KLF15: variants seen among roughly 807,000 people sequenced by gnomAD.
KLF15 encodes the protein KLF transcription factor 15, also known as Krueppel-like factor 15.
KLF15 carries 4 observed loss-of-function variants against 24.6 expected under a neutral mutation model. The ratio of observed to expected loss-of-function variants is 0.16; its 90% confidence interval spans 0.08 to 0.37. The LOEUF is 0.37. KLF15 is among the 10% of genes least tolerant of loss of function. KLF15 has a pLI of 1.00. For missense variants in KLF15, 496 were observed against 560.6 expected, an observed-to-expected ratio of 0.88 and a Z score of 1.16; for synonymous variants, 246 against 236.3, an observed-to-expected ratio of 1.04 and a Z score of -0.37.
At chr3:126,332,120 G>A in the KLF15 span, among the ~76,000 whole-genome samples, 2 of 152,216 alleles carry the variant, frequency 1.3e-5, no homozygotes, top group Non-Finnish European at 2.9e-5. Context: ...TGGGGGCAGG[G>A]CACAGACAAA....
the KLF15 span, among the ~76,000 whole-genome samples, chr3:126,296,571 G>C: frequency 6.6e-6 from 1 of 152,232 alleles, no homozygotes; most frequent in Non-Finnish European, 1.5e-5. Flanking sequence ...GTCTTTTCAA[G>C]AGAGGCCTGC....
At chr3:126,339,592 A>G (rs4679234), downstream of KLF15, among the ~76,000 whole-genome samples, 3,600 of 151,482 alleles carry the variant, frequency 0.024, 62 homozygotes, top group Admixed American at 0.054. Flanking sequence ...CATGGCCCCC[A>G]CTCTCAGCCC....
the KLF15 span, among the ~76,000 whole-genome samples, chr3:126,311,827 T>C: frequency 3.9e-5 from 6 of 152,030 alleles, no homozygotes; most frequent in Non-Finnish European, 5.9e-5. Flanking sequence ...AGATCGGGAG[T>C]GGGCCAGGAA....
the KLF15 span, among the ~76,000 whole-genome samples, chr3:126,334,953 T>C: frequency 1.8e-5 from 2 of 110,384 alleles, no homozygotes; most frequent in Non-Finnish European, 1.8e-5. Context: ...CCAAAAAGAG[T>C]CCAGGACCAG....
At chr3:126,326,607 A>C in the KLF15 span, among the ~76,000 whole-genome samples, 1 of 152,252 alleles carries the variant, frequency 6.6e-6, no homozygotes, top group South Asian at 2.1e-4. Context: ...GTTGGAGTGC[A>C]GAAAGACAGA....
chr3:126,317,877 T>C, the KLF15 span, among the ~76,000 whole-genome samples: 2 of 152,172 alleles, frequency 1.3e-5, no homozygotes, highest in Admixed American at 1.3e-4. Flanking sequence ...TCGGTCGGAT[T>C]CTTCTGAGGA....
At chr3:126,300,772 G>C in the KLF15 span, among the ~76,000 whole-genome samples, 1 of 152,234 alleles carries the variant, frequency 6.6e-6, no homozygotes, top group African/African-American at 2.4e-5. Flanking sequence ...AGGATCAATA[G>C]ATGGATTAGT....
At chr3:126,339,621 C>G (rs748533019), downstream of KLF15, among the ~76,000 whole-genome samples, 1 of 152,200 alleles carries the variant, frequency 6.6e-6, no homozygotes, top group Non-Finnish European at 1.5e-5. Context: ...GGGTTCAGAT[C>G]GCCTCCTCAT....
chr3:126,344,328 G>T lies in KLF15; in HGVS notation c.1083-433C>A, dbSNP rs188567517. Among the ~76,000 whole-genome samples the T allele has an allele frequency of 8.6e-4, 131 of 152,036 alleles. 1 individual carries two copies. The East Asian group carries it at 0.018, about 21-fold the overall frequency. On this transcript the variant is annotated intron_variant, in intron 2 of 2. Coordinates refer to ENST00000296233, the MANE Select transcript of KLF15 (RefSeq NM_014079.4). ...GGCTACTTCAGCTTCCCAAAGTGCT[G>T]GGATTAAAGGCGTGAGCCACTGTGC...
intron 2 of KLF15, among the ~76,000 whole-genome samples, chr3:126,350,457 T>A (rs1377138551): frequency 6.6e-6 from 1 of 152,150 alleles, no homozygotes; most frequent in African/African-American, 2.4e-5. Context: ...TCAGGAAAAT[T>A]CCCTTCTCTG....
chr3:126,303,682 A>T, the KLF15 span, among the ~76,000 whole-genome samples: 1 of 150,394 alleles, frequency 6.6e-6, no homozygotes, highest in Non-Finnish European at 1.5e-5. Context: ...TGTTTATATC[A>T]TAGTTTGTCA....
At chr3:126,301,703 C>T in the KLF15 span, among the ~76,000 whole-genome samples, 2 of 151,234 alleles carry the variant, frequency 1.3e-5, no homozygotes, top group Admixed American at 6.6e-5. Context: ...CAACCTCTGC[C>T]CCCGGGGTTC....
At chr3:126,309,522 G>A in the KLF15 span, among the ~76,000 whole-genome samples, 1 of 152,236 alleles carries the variant, frequency 6.6e-6, no homozygotes, top group Non-Finnish European at 1.5e-5. Context: ...AGGTGCAGAT[G>A]GTTACATGCA....
chr3:126,328,083 C>T, the KLF15 span, among the ~76,000 whole-genome samples: 1 of 148,030 alleles, frequency 6.8e-6, no homozygotes, highest in African/African-American at 2.5e-5. Context: ...TTGCCCCCCT[C>T]TTACTCTTCC....
the KLF15 span, among the ~76,000 whole-genome samples, chr3:126,322,376 G>A: frequency 1.3e-5 from 2 of 152,298 alleles, no homozygotes; most frequent in African/African-American, 4.8e-5. Context: ...GAGGTGACCT[G>A]CATTCCCCAG....
intron 1 of KLF15, among the ~76,000 whole-genome samples, chr3:126,355,697 C>G (rs566098812): frequency 1.3e-5 from 2 of 152,362 alleles, no homozygotes; most frequent in Admixed American, 1.3e-4. Flanking sequence ...GAGTCTAAAA[C>G]AGGACCGGGC....
the KLF15 span, among the ~76,000 whole-genome samples, chr3:126,313,543 T>C: frequency 6.6e-6 from 1 of 152,282 alleles, no homozygotes; most frequent in South Asian, 2.1e-4. Context: ...TGTAACCTAG[T>C]GTTTCTGGGC....
At chr3:126,315,733 GCATGACTC>G in the KLF15 span, among the ~76,000 whole-genome samples, 1 of 152,208 alleles carries the variant, frequency 6.6e-6, no homozygotes, top group African/African-American at 2.4e-5. Context: ...ACTCAGGCCT[GCATGACTC>G]CAAATCACTT....
At chr3:126,304,506 T>C in the KLF15 span, among the ~76,000 whole-genome samples, 1 of 152,210 alleles carries the variant, frequency 6.6e-6, no homozygotes, top group Admixed American at 6.5e-5. Context: ...TGTTTACAGC[T>C]GATTACTTGA....
Sources: allele counts gnomAD v4.1 joint callset (sites outside exome capture counted in the v4.1 genomes callset), GRCh38; gene constraint gnomAD v4.1.1; transcripts MANE v1.5; gene names NCBI Gene and HGNC (gene_info 2026-07-23, HGNC 2026-07-21).